Variants in RBM19 observed in about 807,000 individuals in gnomAD.
The protein encoded by RBM19 is RNA binding motif protein 19, also known as probable RNA-binding protein 19.
A neutral mutation model predicts 116.8 loss-of-function variants in RBM19; 94 were observed. That is an observed-to-expected ratio of 0.80 (90% CI 0.68 to 0.95). RBM19 has a LOEUF of 0.95. RBM19 is among the 40% of genes least tolerant of loss of function. RBM19 has a pLI of 0.00. For synonymous variants in RBM19, 475 were observed against 494.1 expected (o/e 0.96, Z 0.51); for missense variants, 1,161 against 1,220.7 (o/e 0.95, Z 0.73).
rs562103411 is a variant in RBM19, at chr12:113,930,791, G to A, written c.2069-3562C>T. 1.1e-4 allele frequency among the ~76,000 whole-genome samples: 17 copies of A among 152,276 alleles called. No homozygotes were observed. The South Asian group carries it at 3.3e-3, about 30-fold the overall frequency. On this transcript the variant is annotated intron_variant, in intron 16 of 23. Coordinates refer to ENST00000261741, the MANE Select transcript of RBM19 (RefSeq NM_016196.4). ...ACCTGAAACTTCACCCTGGATCCTA[G>A]AAGAACTAACAGTTCAAGGGCATCA...
At chr12:113,856,841 C>T (rs1168273615) in intron 22 of RBM19, among the ~76,000 whole-genome samples, 1 of 152,188 alleles carries the variant, frequency 6.6e-6, no homozygotes, top group Non-Finnish European at 1.5e-5. Flanking sequence ...CCATCCAAAC[C>T]TCACAATGAC....
downstream of RBM19, among the ~76,000 whole-genome samples, chr12:113,820,176 T>C (rs1451472352): frequency 6.7e-6 from 1 of 150,184 alleles, no homozygotes; most frequent in African/African-American, 2.5e-5. Flanking sequence ...TTGGCTTCCC[T>C]GGGTCACCCT....
At chr12:113,833,282 T>C (rs541021499) in intron 23 of RBM19, among the ~76,000 whole-genome samples, 2 of 152,286 alleles carry the variant, frequency 1.3e-5, no homozygotes, top group East Asian at 3.9e-4. Context: ...GGCTCTACCT[T>C]TACCCAAAAT....
chr12:113,848,298 A>G (rs1334524528), intron 22 of RBM19, among the ~76,000 whole-genome samples: 1 of 152,200 alleles, frequency 6.6e-6, no homozygotes, highest in Non-Finnish European at 1.5e-5. Context: ...TTAGAGCACA[A>G]TACGTGGTTC....
chr12:113,913,160 T>A (rs975644323), intron 21 of RBM19, among the ~76,000 whole-genome samples: 1 of 152,208 alleles, frequency 6.6e-6, no homozygotes, highest in Admixed American at 6.5e-5. Context: ...ATCCTAAATA[T>A]ACTGCAGAAC....
At chr12:113,832,485 T>C (rs1278310808) in intron 23 of RBM19, among the ~76,000 whole-genome samples, 1 of 152,196 alleles carries the variant, frequency 6.6e-6, no homozygotes, top group Non-Finnish European at 1.5e-5. Flanking sequence ...CCGCCACTTT[T>C]GGCTGTAAAG....
chr12:113,893,979 G>A (rs896954753), intron 21 of RBM19, among the ~76,000 whole-genome samples: 1 of 152,196 alleles, frequency 6.6e-6, no homozygotes, highest in African/African-American at 2.4e-5. Flanking sequence ...GAGCGCAGGC[G>A]AGCAAGGTGG....
intron 23 of RBM19, among the ~76,000 whole-genome samples, chr12:113,831,666 C>A (rs1029018147): frequency 3.3e-5 from 5 of 152,226 alleles, no homozygotes; most frequent in Non-Finnish European, 5.9e-5. Context: ...GAAATGTTTG[C>A]GGAACACAGA....
At chr12:113,865,824 CAAGAAAAAAAAAA>C (rs1006517783) in intron 21 of RBM19, among the ~76,000 whole-genome samples, 2 of 146,988 alleles carry the variant, frequency 1.4e-5, no homozygotes, top group African/African-American at 5.0e-5. Context: ...ATCATCACAG[CAAGAAAAAAAAAA>C]AGGGGGCAGG....
At chr12:113,892,642 C>T (rs1214776896) in intron 21 of RBM19, among the ~76,000 whole-genome samples, 1 of 152,118 alleles carries the variant, frequency 6.6e-6, no homozygotes, top group Non-Finnish European at 1.5e-5. Context: ...AAAGGGTCAG[C>T]TTTGGAGTTA....
At chr12:113,865,724 G>A (rs1878747725) in intron 21 of RBM19, among the ~76,000 whole-genome samples, 1 of 151,982 alleles carries the variant, frequency 6.6e-6, no homozygotes, top group Non-Finnish European at 1.5e-5. Context: ...CTTTTATGCA[G>A]TGCAACCATA....
At position 113,943,890 on chromosome 12, in the gene RBM19, CT is replaced by C. The variant is rs1224292297; in HGVS notation, c.1627-1457del. ...AATATATTATTAATATTAATTTTGT[CT>C]GTTTCATTTAGCCTTTTAAACATGT... is the stretch of plus-strand genomic sequence containing the variant. On this transcript the variant is annotated intron_variant, in intron 13 of 23. Coordinates refer to ENST00000261741, the MANE Select transcript of RBM19 (RefSeq NM_016196.4). 1.1e-4 allele frequency among the ~76,000 whole-genome samples: 16 copies of C among 152,100 alleles called. No homozygotes were observed. In the South Asian group the frequency reaches 1.7e-3, roughly 16 times the overall value.
rs140425325 is a variant in RBM19 at position 113,919,395 on chromosome 12, C to A, written c.2386-948G>T. Among the ~76,000 whole-genome samples, 1,185 of 152,268 alleles carry A rather than the reference C, an allele frequency of 7.8e-3. 19 individuals are homozygous for A. The highest frequency in any genetic ancestry group is 0.028 in the African/African-American group (1,155 of 41,546). On this transcript the variant is annotated intron_variant, in intron 19 of 23. Transcript: ENST00000261741. ...GACCATCCTGGCTAACACGGTGAAACCCCGTCTCTACTAAAAATACGAAAA... is the reference window on the plus strand; with the variant it reads ...GACCATCCTGGCTAACACGGTGAAAACCCGTCTCTACTAAAAATACGAAAA...
rs186885364 is a variant in RBM19, at chr12:113,882,624, G to C, written c.2559-23728C>G. On this transcript the variant is annotated intron_variant, in intron 21 of 23. Transcript: ENST00000261741. The stretch of plus-strand genomic sequence containing the variant: ...TTCTAAATGAGAGCTGGAGGCACGG[G>C]GGGAGGGAGAAGACTGAGAATTATG... 3.1e-3 allele frequency among the ~76,000 whole-genome samples: 474 copies of C among 152,380 alleles called. 3 individuals carry two copies. The highest frequency in any genetic ancestry group is 0.01 in the Middle Eastern group (3 of 294).
At chr12:113,877,299 G>C (rs1444378925) in intron 21 of RBM19, among the ~76,000 whole-genome samples, 1 of 152,224 alleles carries the variant, frequency 6.6e-6, no homozygotes, top group Non-Finnish European at 1.5e-5. Context: ...GTACATTGCG[G>C]GGGGGTCCCG....
chr12:113,877,331 C>T (rs1381768436), intron 21 of RBM19, among the ~76,000 whole-genome samples: 2 of 152,194 alleles, frequency 1.3e-5, no homozygotes, highest in African/African-American at 2.4e-5. Flanking sequence ...GAAGCATTAC[C>T]TGCTTGCCAA....
Position 113,825,803 on chromosome 12 carries a change from C to T in RBM19, c.2786-2482G>A, listed in dbSNP as rs1340520354. Reference sequence around the variant, plus strand: ...CATGCTCCTGCACCCCTGGGCCGTGCCACCATTGCCTCTGGCTTCCTCTGC... The same window carrying T: ...CATGCTCCTGCACCCCTGGGCCGTGTCACCATTGCCTCTGGCTTCCTCTGC... On this transcript the variant is annotated intron_variant, in intron 23 of 23. Transcript: ENST00000261741. This position sits in a 1 kb window ranked among gnomAD's most constrained non-coding sequence, Gnocchi z 5.7. Among the ~76,000 whole-genome samples, 2 of 152,192 alleles carry T rather than the reference C, an allele frequency of 1.3e-5. No individual in the cohort carries two copies. Among genetic ancestry groups the T allele is most frequent in the Non-Finnish European group, 1.5e-5 (1 of 68,022 alleles).
intron 22 of RBM19, among the ~76,000 whole-genome samples, chr12:113,845,723 C>T (rs1565971118): frequency 1.3e-5 from 2 of 152,184 alleles, no homozygotes; most frequent in Non-Finnish European, 2.9e-5. Flanking sequence ...TTAAACATCG[C>T]TAGGTCTCAA....
chr12:113,877,228 G>T (rs993647083), intron 21 of RBM19, among the ~76,000 whole-genome samples: 2 of 152,244 alleles, frequency 1.3e-5, no homozygotes, highest in Non-Finnish European at 2.9e-5. Context: ...GACCACTGAT[G>T]ACCGTGAACC....
Sources: gnomAD v4.1 joint callset for allele counts (sites outside exome capture counted in the v4.1 genomes callset) on GRCh38, gnomAD v4.1.1 for gene constraint, Gnocchi (gnomAD v3.1) non-coding constraint, MANE v1.5 for transcripts, NCBI Gene and HGNC (gene_info 2026-07-23, HGNC 2026-07-21) for gene names.